The following SLCO5A1 variants were observed in gnomAD, a reference collection of about 807,000 sequenced individuals.
SLCO5A1 encodes organic anion transporter polypeptide-related protein 4.
Under a neutral mutation model 65.1 loss-of-function variants are expected in SLCO5A1, and 39 were observed. The ratio of observed to expected loss-of-function variants is 0.60; its 90% confidence interval spans 0.46 to 0.78. The LOEUF is 0.78. Ranked by LOEUF, SLCO5A1 falls within the 30% of genes least tolerant of loss-of-function variation. The probability of loss-of-function intolerance (pLI) is 0.00; values close to 1 mark genes in which losing one functional copy is unlikely to be tolerated. For synonymous variants in SLCO5A1, 438 were observed against 415.7 expected, an observed-to-expected ratio of 1.05 and a Z score of -0.65; for missense variants, 1,029 against 1,069.4, an observed-to-expected ratio of 0.96 and a Z score of 0.53.
intron 6 of SLCO5A1, chr8:69,700,612 T>C (rs916875215): frequency 1.3e-5 from 2 of 151,892 alleles, no homozygotes; most frequent in African/African-American, 4.8e-5. Flanking sequence ...CATAGTAAAA[T>C]TCTGAAATAC....
chr8:69,780,400 C>T (rs552627941), intron 2 of SLCO5A1, among the ~76,000 whole-genome samples: 5 of 152,160 alleles, frequency 3.3e-5, no homozygotes, highest in Non-Finnish European at 7.4e-5. Context: ...ACGGAATCAA[C>T]CAAAGTGCAT....
At chr8:69,818,800 C>T (rs936320025) in intron 2 of SLCO5A1, among the ~76,000 whole-genome samples, 3 of 152,126 alleles carry the variant, frequency 2.0e-5, no homozygotes, top group African/African-American at 7.2e-5. Flanking sequence ...ATCTGTGGCA[C>T]AAATTAACTG....
chr8:69,784,915 A>AAAGAAAG (rs1340150293), intron 2 of SLCO5A1, among the ~76,000 whole-genome samples: 3 of 127,964 alleles, frequency 2.3e-5, no homozygotes, highest in Non-Finnish European at 4.9e-5. Flanking sequence ...AGAAAGAAAG[A>AAAGAAAG]AAGAAAGAAA....
intron 5 of SLCO5A1, among the ~76,000 whole-genome samples, chr8:69,714,223 G>T (rs1024183968): frequency 5.3e-5 from 8 of 151,940 alleles, no homozygotes; most frequent in African/African-American, 1.9e-4. Context: ...CTTTTTCTTT[G>T]AACTCAGTGG....
intron 2 of SLCO5A1, among the ~76,000 whole-genome samples, chr8:69,772,110 A>G (rs971775359): frequency 1.3e-5 from 2 of 152,172 alleles, no homozygotes; most frequent in African/African-American, 2.4e-5. Flanking sequence ...CAAAAACCCA[A>G]CAGGGCTGCA....
At position 69,747,223 on chromosome 8, in the gene SLCO5A1, G is replaced by A. The variant is rs141987584; in HGVS notation, c.1258+8201C>T. 1.8e-4 allele frequency among the ~76,000 whole-genome samples: 28 copies of A among 152,216 alleles called. 1 individual carries two copies. Among genetic ancestry groups the A allele is most frequent in the South Asian group, 8.3e-4 (4 of 4,824 alleles). On this transcript the variant is annotated intron_variant, in intron 4 of 9. Coordinates refer to ENST00000260126, the MANE Select transcript of SLCO5A1 (RefSeq NM_030958.3). ...TTATTCTACCAGCGGTATTAACCTC[G>A]TCATATCATCACTCAGACATCTCTA...
At position 69,832,557 on chromosome 8, in the gene SLCO5A1, C is replaced by T. The variant is rs749800364; in HGVS notation, c.117G>A (p.Pro39=). ...EPETLRSKSL[P]VLSSASCRPS... ...GCCGGCAGGAGGCGCTGCTGAGGAC[C>T]GGTAAACTCTTAGACCTGAGGGTCT... The change falls in exon 2 of 10, where the codon CCG becomes CCA. Residue 39 remains proline, a synonymous_variant. Transcript: ENST00000260126. This position sits in a 1 kb window ranked among gnomAD's most constrained non-coding sequence, Gnocchi z 4.5. 1.2e-6 allele frequency: 2 copies of T among 1,611,192 alleles called. No individual in the cohort carries two copies. Among genetic ancestry groups the T allele is most frequent in the South Asian group, 1.1e-5 (1 of 90,654 alleles).
chr8:69,682,350 G>C lies in SLCO5A1; in HGVS notation c.1623-7C>G. ...GGGCATGGTGAGAGAAGGTCTAAGA[G>C]AGAAGAGAAGCAGATCATGAGCAAC... On this transcript the variant is annotated splice_region_variant and splice_polypyrimidine_tract_variant and intron_variant, in intron 6 of 9. Coordinates refer to ENST00000260126, the MANE Select transcript of SLCO5A1 (RefSeq NM_030958.3). 1.9e-6 allele frequency: 3 copies of C among 1,562,236 alleles called. No homozygotes were observed. The highest frequency in any genetic ancestry group is 1.7e-6 in the Non-Finnish European group (2 of 1,158,456).
intron 2 of SLCO5A1, among the ~76,000 whole-genome samples, chr8:69,763,715 A>G (rs1436517019): frequency 2.0e-5 from 3 of 149,652 alleles, no homozygotes; most frequent in African/African-American, 7.3e-5. Flanking sequence ...TTCAATTTTC[A>G]CTTTTATAAT....
At position 69,672,821 on chromosome 8, in the gene SLCO5A1, G is replaced by A. The variant is rs1187208643; in HGVS notation, c.*48C>T. ...AGAAGGCACAGTTGTTTCTCAAGTC[G>A]CCATTTTCAATTCAACCAACAAAAC... is the stretch of plus-strand genomic sequence containing the variant. On this transcript the variant is annotated 3_prime_UTR_variant, in exon 10 of 10. Coordinates refer to ENST00000260126, the MANE Select transcript of SLCO5A1 (RefSeq NM_030958.3). 32 of 1,547,720 alleles carry A rather than the reference G, an allele frequency of 2.1e-5. No homozygotes were observed. In the Admixed American group the frequency reaches 5.9e-4, roughly 29 times the overall value.
At chr8:69,702,232 G>T (rs1276820215) in intron 6 of SLCO5A1, among the ~76,000 whole-genome samples, 6 of 152,102 alleles carry the variant, frequency 3.9e-5, no homozygotes, top group Non-Finnish European at 8.8e-5. Context: ...AGCCTTCAGT[G>T]CCTCACACTG....
At chr8:69,712,351 G>A (rs2380585) in intron 5 of SLCO5A1, among the ~76,000 whole-genome samples, 27,587 of 152,144 alleles carry the variant, frequency 0.18, 2,570 homozygotes, top group Non-Finnish European at 0.2. Flanking sequence ...TGGCTGCATG[G>A]AGCCAAAGGG....
chr8:69,721,243 G>A (rs752334885), intron 5 of SLCO5A1, among the ~76,000 whole-genome samples: 2 of 152,154 alleles, frequency 1.3e-5, no homozygotes, highest in Non-Finnish European at 2.9e-5. Context: ...AAGCACTGTG[G>A]GTGATTACAG....
intron 4 of SLCO5A1, among the ~76,000 whole-genome samples, chr8:69,753,386 T>A (rs113299388): frequency 0.023 from 3,519 of 152,276 alleles, 151 homozygotes; most frequent in African/African-American, 0.08. Flanking sequence ...CCAAGCAGTT[T>A]TCTCAGCCCA....
intron 2 of SLCO5A1, among the ~76,000 whole-genome samples, chr8:69,827,445 C>T (rs549561220): frequency 1.3e-5 from 2 of 152,136 alleles, no homozygotes; most frequent in South Asian, 2.1e-4. Context: ...TAAATGCTGC[C>T]GTATCTCATC....
chr8:69,754,933 T>C (rs1330567647), intron 4 of SLCO5A1, among the ~76,000 whole-genome samples: 3 of 152,174 alleles, frequency 2.0e-5, no homozygotes, highest in African/African-American at 7.2e-5. Flanking sequence ...ATTATACTTA[T>C]GTAGGCATCA....
At position 69,688,606 on chromosome 8, in the gene SLCO5A1, C is replaced by T. The variant is rs1419889058; in HGVS notation, c.1623-6263G>A. Reference sequence around the variant, plus strand: ...GCGGTGTTTGGTTTTTTTGTCCTTGCGATAGTTTACTGAGAATGATGATTT... The same window carrying T: ...GCGGTGTTTGGTTTTTTTGTCCTTGTGATAGTTTACTGAGAATGATGATTT... On this transcript the variant is annotated intron_variant, in intron 6 of 9. Coordinates refer to ENST00000260126, the MANE Select transcript of SLCO5A1 (RefSeq NM_030958.3). 3.3e-5 allele frequency among the ~76,000 whole-genome samples: 5 copies of T among 151,334 alleles called. No homozygotes were observed. In the South Asian group the frequency reaches 6.3e-4, roughly 19 times the overall value.
chr8:69,705,134 C>T lies in SLCO5A1; in HGVS notation c.1519G>A (p.Ala507Thr), dbSNP rs769236958. The change falls in exon 6 of 10, where the codon GCA becomes ACA. Residue 507 changes from alanine to threonine, a missense_variant. Physicochemically the swap from Ala to Thr is moderately conservative, Grantham distance 58. Coordinates refer to ENST00000260126, the MANE Select transcript of SLCO5A1 (RefSeq NM_030958.3). ...AAAGACACACCACTGCAGATCATTG[C>T]TAGTTTTGCAGATTCTCTGGCACCA... ...KLGARESAKLAMICSGVSLLC... is the reference protein window; with the variant it reads ...KLGARESAKLTMICSGVSLLC... 1.2e-6 allele frequency: 2 copies of T among 1,614,040 alleles called. No homozygotes were observed. Among genetic ancestry groups the T allele is most frequent in the Non-Finnish European group, 1.7e-6 (2 of 1,180,014 alleles).
At chr8:69,796,813 G>A (rs1213122515) in intron 2 of SLCO5A1, among the ~76,000 whole-genome samples, 3 of 151,950 alleles carry the variant, frequency 2.0e-5, no homozygotes, top group Non-Finnish European at 4.4e-5. Context: ...ACTTCCACTA[G>A]ATACCCTAAA....
Sources: gnomAD v4.1 joint callset for allele counts (sites outside exome capture counted in the v4.1 genomes callset) on GRCh38, gnomAD v4.1.1 for gene constraint, Gnocchi (gnomAD v3.1) non-coding constraint, MANE v1.5 for transcripts, NCBI Gene and HGNC (gene_info 2026-07-23, HGNC 2026-07-21) for gene names.